The following TYW1 variants were observed in gnomAD, a reference collection of about 807,000 sequenced individuals.
TYW1 encodes tRNA-yW synthesizing protein 1 homolog.
Under a neutral mutation model 96.2 loss-of-function variants are expected in TYW1, and 46 were observed. The ratio of observed to expected loss-of-function variants is 0.48; its 90% CI spans 0.38 to 0.61. The LOEUF is 0.61. Ranked by LOEUF, TYW1 falls within the 20% of genes least tolerant of loss-of-function variation. The pLI, the probability that TYW1 is intolerant of heterozygous loss-of-function variation, is 0.00. For synonymous variants in TYW1, 274 were observed against 323.0 expected, an observed-to-expected ratio of 0.85 and a Z score of 1.63; for missense variants, 684 against 909.6, an observed-to-expected ratio of 0.75 and a Z score of 3.19.
At chr7:67,166,285 T>G (rs75402643) in intron 13 of TYW1, among the ~76,000 whole-genome samples, 8,157 of 145,698 alleles carry the variant, frequency 0.056, 527 homozygotes, top group East Asian at 0.16. Flanking sequence ...TTTTAAAATT[T>G]GAATGCCTCC....
chr7:67,228,074 C>A (rs187235246), intron 15 of TYW1, among the ~76,000 whole-genome samples: 1 of 152,244 alleles, frequency 6.6e-6, no homozygotes, highest in African/African-American at 2.4e-5. Context: ...GTGGGAGTAG[C>A]TCTGTTTTCT....
At chr7:67,150,131 C>CTT (rs1798751338) in intron 13 of TYW1, among the ~76,000 whole-genome samples, 1 of 151,786 alleles carries the variant, frequency 6.6e-6, no homozygotes, top group Non-Finnish European at 1.5e-5. Context: ...ATGACCATGT[C>CTT]TTCACCATTC....
At chr7:67,090,925 A>G (rs1796695212) in intron 11 of TYW1, among the ~76,000 whole-genome samples, 1 of 152,192 alleles carries the variant, frequency 6.6e-6, no homozygotes, top group South Asian at 2.1e-4. Context: ...CAGGTGCTGG[A>G]GAGGATGTGG....
At position 67,195,203 on chromosome 7, in the gene TYW1, A is replaced by G; in HGVS notation, c.1843A>G (p.Ser615Gly). The G allele has an allele frequency of 6.2e-7, 1 of 1,613,946 alleles. No individual in the cohort carries two copies. Residue 615 changes from serine (S) to glycine (G), a missense_variant, in exon 15 of 16, where the codon AGT becomes GGT. Ser to Gly is a moderately conservative substitution (Grantham distance 56). Coordinates refer to ENST00000359626, the MANE Select transcript of TYW1 (RefSeq NM_018264.4). ...VTYCGESSAS[S>G]LTMAHVPWHE... ...CTACTGCGGAGAAAGTTCAGCAAGC[A>G]GTCTTACCATGGCCCACGTGCCCTG...
chr7:67,170,985 G>T (rs1467880807), intron 13 of TYW1, among the ~76,000 whole-genome samples: 1 of 152,046 alleles, frequency 6.6e-6, no homozygotes, highest in Admixed American at 6.6e-5. Flanking sequence ...GGAAGAGTTT[G>T]AGAATATTCT....
chr7:67,030,497 T>C (rs926883633), intron 7 of TYW1, among the ~76,000 whole-genome samples: 2 of 152,146 alleles, frequency 1.3e-5, no homozygotes, highest in African/African-American at 4.8e-5. Flanking sequence ...CTGGGCGTAG[T>C]GGTACGTGCC....
At chr7:67,121,208 G>A (rs943486136) in intron 13 of TYW1, among the ~76,000 whole-genome samples, 10 of 152,110 alleles carry the variant, frequency 6.6e-5, no homozygotes, top group African/African-American at 2.4e-4. Flanking sequence ...CATATATTTT[G>A]TAGTTATATG....
At chr7:67,200,792 C>G (rs1487221283) in intron 15 of TYW1, among the ~76,000 whole-genome samples, 1 of 152,148 alleles carries the variant, frequency 6.6e-6, no homozygotes, top group East Asian at 1.9e-4. Context: ...TCAGGAGAGG[C>G]TTCACAGAGG....
intron 13 of TYW1, among the ~76,000 whole-genome samples, chr7:67,167,286 G>A (rs925987323): frequency 8.6e-5 from 13 of 151,984 alleles, no homozygotes; most frequent in African/African-American, 2.9e-4. Context: ...TGGCTAACAC[G>A]GTGAAACCGC....
intron 13 of TYW1, among the ~76,000 whole-genome samples, chr7:67,144,717 G>A (rs1221804623): frequency 2.0e-5 from 3 of 152,168 alleles, no homozygotes; most frequent in East Asian, 1.9e-4. Context: ...CTATCTGCCC[G>A]GGTTGGCCTC....
chr7:67,069,650 G>A (rs1795973353), intron 10 of TYW1, among the ~76,000 whole-genome samples: 1 of 152,154 alleles, frequency 6.6e-6, no homozygotes, highest in African/African-American at 2.4e-5. Context: ...TGAGGTGGGG[G>A]TGATCATAAG....
At chr7:67,064,050 TAAATG>T (rs1354103344) in intron 9 of TYW1, among the ~76,000 whole-genome samples, 1 of 152,124 alleles carries the variant, frequency 6.6e-6, no homozygotes, top group Non-Finnish European at 1.5e-5. Flanking sequence ...TGATAAAAAA[TAAATG>T]AAAATCTAAA....
At chr7:67,009,943 G>A (rs921289379) in intron 4 of TYW1, among the ~76,000 whole-genome samples, 1 of 151,666 alleles carries the variant, frequency 6.6e-6, no homozygotes, top group African/African-American at 2.4e-5. Context: ...AAGCTTGGGT[G>A]GTTGGAAGTT....
At chr7:67,133,653 C>T (rs1216886213) in intron 13 of TYW1, among the ~76,000 whole-genome samples, 3 of 133,340 alleles carry the variant, frequency 2.2e-5, no homozygotes, top group Non-Finnish European at 4.8e-5. Flanking sequence ...TTTGGAATTA[C>T]AGGTGTGAGC....
At chr7:67,151,715 A>G (rs1172613089) in intron 13 of TYW1, among the ~76,000 whole-genome samples, 1 of 152,224 alleles carries the variant, frequency 6.6e-6, no homozygotes, top group Non-Finnish European at 1.5e-5. Context: ...GTGAGGGGTC[A>G]GGAAACTGCA....
At chr7:67,125,777 G>A (rs3980757) in intron 13 of TYW1, among the ~76,000 whole-genome samples, 36,924 of 151,984 alleles carry the variant, frequency 0.24, 4,780 homozygotes, top group African/African-American at 0.32. Flanking sequence ...TACTGTCTGC[G>A]TAGCTTTGCC....
chr7:67,167,777 C>T (rs2116247287), intron 13 of TYW1, among the ~76,000 whole-genome samples: 1 of 151,844 alleles, frequency 6.6e-6, no homozygotes, highest in Middle Eastern at 3.4e-3. Flanking sequence ...TTGATTGAGA[C>T]AGAGTCTCAC....
Position 67,075,024 on chromosome 7 carries a change from G to A in TYW1, c.1274+7621G>A, listed in dbSNP as rs138931210. On this transcript the variant is annotated intron_variant, in intron 10 of 15. Transcript: ENST00000359626. ...ATTTTTAATAACTGGGATTACAGGC[G>A]TGAGCCACCGGGCCTGACCAATGAC... is the stretch of plus-strand genomic sequence containing the variant. 1.3e-4 allele frequency among the ~76,000 whole-genome samples: 20 copies of A among 152,186 alleles called. No individual in the cohort carries two copies. In the East Asian group the frequency reaches 2.7e-3, roughly 21 times the overall value.
At chr7:67,060,905 A>G (rs1229859397) in intron 9 of TYW1, among the ~76,000 whole-genome samples, 1 of 152,184 alleles carries the variant, frequency 6.6e-6, no homozygotes, top group Non-Finnish European at 1.5e-5. Context: ...TGGTTCATAA[A>G]TCAGACATGA....
Sources: gnomAD v4.1 joint callset for allele counts (sites outside exome capture counted in the v4.1 genomes callset) on GRCh38, gnomAD v4.1.1 for gene constraint, MANE v1.5 for transcripts, NCBI Gene and HGNC (gene_info 2026-07-23, HGNC 2026-07-21) for gene names.